ZNF721: variants seen among roughly 807,000 people sequenced by gnomAD.
ZNF721 encodes zinc finger protein 721.
ZNF721 carries 2 observed loss-of-function variants against 2.4 expected under a neutral mutation model. The observed-to-expected ratio is 0.82, with a 90% CI of 0.34 to 2.58. The LOEUF (loss-of-function observed/expected upper bound fraction) is 2.58, where lower values mean the gene tolerates loss of function less well. Ranked by LOEUF, ZNF721 falls within the 30% of genes most tolerant of loss-of-function variation. The pLI, the probability that ZNF721 is intolerant of heterozygous loss-of-function variation, is 0.11. For synonymous variants in ZNF721, 398 were observed against 381.8 expected, an observed-to-expected ratio of 1.04 and a Z score of -0.50; for missense variants, 1,187 against 1,085.5, an observed-to-expected ratio of 1.09 and a Z score of -1.31.
intron 1 of ZNF721, among the ~76,000 whole-genome samples, chr4:473,739 A>G (rs1715537644): frequency 6.6e-6 from 1 of 152,110 alleles, no homozygotes; most frequent in Non-Finnish European, 1.5e-5. Context: ...TCCTCACCCC[A>G]CAGCCCGGGG....
chr4:457,960 C>A (rs1553865586), intron 2 of ZNF721, among the ~76,000 whole-genome samples: 1 of 152,222 alleles, frequency 6.6e-6, no homozygotes, highest in Non-Finnish European at 1.5e-5. Context: ...AACCCAAAAA[C>A]AGACCTGAAG....
At chr4:488,633 C>G (rs1715951861) in intron 1 of ZNF721, among the ~76,000 whole-genome samples, 1 of 152,078 alleles carries the variant, frequency 6.6e-6, no homozygotes, top group African/African-American at 2.4e-5. Context: ...AGATTGAGAC[C>G]ATCCTGGCCA....
Position 441,614 on chromosome 4 carries a change from C to T in ZNF721, c.*81G>A, listed in dbSNP as rs1714237755. 2.5e-6 allele frequency: 3 copies of T among 1,212,464 alleles called. No homozygotes were observed. The highest frequency in any genetic ancestry group is 3.4e-6 in the Non-Finnish European group (3 of 880,316). 75.1% of individuals were successfully genotyped at this position (1,212,464 alleles called of 1,614,324 possible). A position where few individuals can be genotyped will look rare whatever the true frequency, so the allele number is the denominator to read the frequency against. On this transcript the variant is annotated 3_prime_UTR_variant, in exon 3 of 3. Transcript: ENST00000511833. ...CATTTAAAGACCGCGACATTCGTCA[C>T]CTTCGTAAGACATTCCCCTGGTATG...
chr4:483,454 A>C (rs1405675275), intron 1 of ZNF721, among the ~76,000 whole-genome samples: 2 of 152,132 alleles, frequency 1.3e-5, no homozygotes, highest in Non-Finnish European at 2.9e-5. Context: ...TGGGAGGCTG[A>C]GGCAGGAGAA....
At chr4:498,022 T>C (rs1716330827) in intron 1 of ZNF721, among the ~76,000 whole-genome samples, 1 of 151,304 alleles carries the variant, frequency 6.6e-6, no homozygotes, top group African/African-American at 2.4e-5. Context: ...CTGACCAACA[T>C]GGTGAAACCC....
intron 2 of ZNF721, among the ~76,000 whole-genome samples, chr4:450,885 C>T (rs1305500888): frequency 1.5e-5 from 2 of 137,400 alleles, no homozygotes; most frequent in African/African-American, 5.5e-5. Flanking sequence ...TGCAGTGAGC[C>T]GAGATTGCAC....
chr4:496,398 A>G (rs1259661189), intron 1 of ZNF721, among the ~76,000 whole-genome samples: 2 of 152,114 alleles, frequency 1.3e-5, no homozygotes, highest in African/African-American at 2.4e-5. Context: ...GCCAGCTGAG[A>G]TTAGACTCTA....
At chr4:482,506 G>GT (rs1399830674) in intron 1 of ZNF721, among the ~76,000 whole-genome samples, 6 of 149,416 alleles carry the variant, frequency 4.0e-5, no homozygotes, top group South Asian at 4.3e-4. Context: ...TTCTGTTTTT[G>GT]TTTTTTTTGA....
intron 2 of ZNF721, among the ~76,000 whole-genome samples, chr4:448,022 A>G (rs781813951): frequency 1.3e-5 from 2 of 152,226 alleles, no homozygotes; most frequent in Non-Finnish European, 2.9e-5. Context: ...TAAAATATTC[A>G]TAAGGAAACA....
chr4:456,628 C>T (rs1178554027), intron 2 of ZNF721, among the ~76,000 whole-genome samples: 1 of 152,090 alleles, frequency 6.6e-6, no homozygotes, highest in African/African-American at 2.4e-5. Context: ...TGCCTGTAAT[C>T]CCAACACTTT....
Position 441,918 on chromosome 4 carries a change from GCTGA to G in ZNF721, c.2545_2548del (p.Ser849GlnfsTer109), listed in dbSNP as rs782150092. 5.0e-6 allele frequency: 8 copies of G among 1,613,866 alleles called. No homozygotes were observed. The East Asian group carries it at 6.7e-5, about 13-fold the overall frequency. On this transcript the variant is annotated frameshift_variant, in exon 3 of 3. Transcript: ENST00000511833. LOFTEE classifies it low-confidence loss of function (END_TRUNC). ...AATTCTCCTATGTACATAAAGGATT[GCTGA>G]CTGTCTAAAGGCTTTGCCACATTCT...
At position 444,221 on chromosome 4, in the gene ZNF721, T is replaced by A. The variant is rs375285496; in HGVS notation, c.246A>T (p.Gln82His). ...CLSNTQSKIF[Q>H]CNARVKVFSK... ...TAAAAACTTTGACACGTGCATTACATTGAAATATTTTGCTCTGAGTATTTG... is the reference window on the plus strand; with the variant it reads ...TAAAAACTTTGACACGTGCATTACAATGAAATATTTTGCTCTGAGTATTTG... The change falls in exon 3 of 3, where the codon CAA (glutamine) becomes CAT (histidine). Residue 82 changes from glutamine (Q) to histidine (H), a missense_variant. Transcript: ENST00000511833. 1.2e-6 allele frequency: 2 copies of A among 1,613,546 alleles called. No individual in the cohort carries two copies. The highest frequency in any genetic ancestry group is 1.3e-5 in the African/African-American group (1 of 74,908).
intron 2 of ZNF721, among the ~76,000 whole-genome samples, chr4:455,995 C>A (rs1553865377): frequency 6.6e-6 from 1 of 152,040 alleles, no homozygotes. Context: ...TAATATTCCA[C>A]TGTTTCTTTG....
intron 1 of ZNF721, among the ~76,000 whole-genome samples, chr4:484,211 C>T (rs548207000): frequency 6.6e-6 from 1 of 152,158 alleles, no homozygotes; most frequent in South Asian, 2.1e-4. Flanking sequence ...ATCACTACCC[C>T]AATCAATACC....
intron 2 of ZNF721, among the ~76,000 whole-genome samples, chr4:464,807 C>T (rs544333950): frequency 5.3e-5 from 8 of 151,802 alleles, no homozygotes; most frequent in African/African-American, 1.2e-4. Flanking sequence ...GGGCTGGGCG[C>T]GGTGGCTCAC....
chr4:449,521 ACAGAG>A (rs1402340035), intron 2 of ZNF721, among the ~76,000 whole-genome samples: 28 of 152,306 alleles, frequency 1.8e-4, no homozygotes, highest in African/African-American at 6.3e-4. Context: ...ACCACACAGT[ACAGAG>A]CAAAGAATCT....
intron 1 of ZNF721, among the ~76,000 whole-genome samples, chr4:473,338 ACACAG>A (rs1715498091): frequency 6.6e-6 from 1 of 152,210 alleles, no homozygotes; most frequent in South Asian, 2.1e-4. Context: ...GAGAAAGCAG[ACACAG>A]CACACAGAGT....
At chr4:452,964 T>C (rs2108695802) in intron 2 of ZNF721, among the ~76,000 whole-genome samples, 1 of 152,292 alleles carries the variant, frequency 6.6e-6, no homozygotes, top group East Asian at 1.9e-4. Context: ...TGCATAAGGA[T>C]GTACAAAACT....
At chr4:452,066 C>T (rs144406052) in intron 2 of ZNF721, among the ~76,000 whole-genome samples, 13 of 152,252 alleles carry the variant, frequency 8.5e-5, no homozygotes, top group African/African-American at 2.6e-4. Context: ...GGTTGCTACA[C>T]GAGAAATGTA....
Sources: allele counts gnomAD v4.1 joint callset (sites outside exome capture counted in the v4.1 genomes callset), GRCh38; gene constraint gnomAD v4.1.1; transcripts MANE v1.5; gene names NCBI Gene and HGNC (gene_info 2026-07-23, HGNC 2026-07-21).